Variants in GRM5 observed in about 807,000 individuals in gnomAD.
GRM5 encodes glutamate metabotropic receptor 5.
A neutral mutation model predicts 83.1 loss-of-function variants in GRM5; 19 were observed. The observed-to-expected ratio is 0.23, with a 90% CI of 0.16 to 0.34. The LOEUF is 0.34. Ranked by LOEUF, GRM5 falls within the 10% of genes least tolerant of loss-of-function variation. GRM5 has a pLI of 1.00. For synonymous variants in GRM5, 675 were observed against 633.6 expected (o/e 1.07, Z -0.98); for missense variants, 1,160 against 1,588.3 (o/e 0.73, Z 4.58).
At chr11:88,728,977 C>T (rs1591471943) in intron 3 of GRM5, among the ~76,000 whole-genome samples, 1 of 152,170 alleles carries the variant, frequency 6.6e-6, no homozygotes, top group African/African-American at 2.4e-5. Context: ...CAAGGATGCC[C>T]TCTCTCACCA....
intron 3 of GRM5, among the ~76,000 whole-genome samples, chr11:88,753,942 C>A (rs573408481): frequency 1.3e-5 from 2 of 152,164 alleles, no homozygotes; most frequent in Non-Finnish European, 2.9e-5. Context: ...GAGACTTATG[C>A]ACTATCACAA....
intron 7 of GRM5, among the ~76,000 whole-genome samples, chr11:88,583,063 TGAAAA>T (rs938456801): frequency 2.6e-5 from 4 of 151,414 alleles, no homozygotes; most frequent in African/African-American, 9.7e-5. Context: ...TAATTGGAAA[TGAAAA>T]GAAATCTTCC....
intron 3 of GRM5, among the ~76,000 whole-genome samples, chr11:88,814,448 A>C (rs926705525): frequency 6.6e-6 from 1 of 152,200 alleles, no homozygotes; most frequent in Non-Finnish European, 1.5e-5. Context: ...ATCGAACAGT[A>C]CTCAGGATAC....
intron 3 of GRM5, among the ~76,000 whole-genome samples, chr11:88,748,455 T>C (rs11021159): frequency 9.5e-4 from 145 of 152,164 alleles, no homozygotes; most frequent in Middle Eastern, 3.4e-3. Flanking sequence ...TGGGTCTGAG[T>C]TCCCAGGGGG....
intron 1 of GRM5, among the ~76,000 whole-genome samples, chr11:89,049,856 A>C (rs1199750837): frequency 6.6e-6 from 1 of 152,170 alleles, no homozygotes; most frequent in Non-Finnish European, 1.5e-5. Flanking sequence ...ATATTACCAA[A>C]CCTTTCTTTC....
At chr11:88,713,798 T>A (rs1941338275) in intron 3 of GRM5, among the ~76,000 whole-genome samples, 2 of 151,988 alleles carry the variant, frequency 1.3e-5, no homozygotes, top group Admixed American at 1.3e-4. Context: ...GGGGCCTAAA[T>A]GATTAAAATG....
At chr11:88,596,317 T>G (rs1383525959) in intron 6 of GRM5, among the ~76,000 whole-genome samples, 1 of 152,140 alleles carries the variant, frequency 6.6e-6, no homozygotes, top group Non-Finnish European at 1.5e-5. Context: ...CCTTCTAACT[T>G]GTCTCTTCTT....
intron 2 of GRM5, among the ~76,000 whole-genome samples, chr11:88,870,231 C>T (rs958508703): frequency 6.6e-6 from 1 of 151,398 alleles, no homozygotes; most frequent in African/African-American, 2.4e-5. Context: ...GGAGAAAGCA[C>T]TAAAATAAAG....
In GRM5 at chr11:88,567,892, A is replaced by T; in HGVS notation, c.1791T>A (p.Val597=). 6.2e-7 allele frequency: 1 copy of T among 1,613,924 alleles called. No individual in the cohort carries two copies. The highest frequency in any genetic ancestry group is 8.5e-7 in the Non-Finnish European group (1 of 1,179,802). Residue 597 remains valine, a synonymous_variant, in exon 8 of 10, where the codon GTT becomes GTA. Transcript: ENST00000305447. This position sits in a 1 kb window ranked among gnomAD's most constrained non-coding sequence, Gnocchi z 7.3. ...ACLGLLATLF[V]TVVFIIYRDT... is the part of the protein sequence containing the mutation. ...CACGGTAAATGATGAAGACTACAGT[A>T]ACAAACAGGGTGGCCAGGAGGCCAA...
chr11:89,010,295 C>T (rs1458287835), intron 2 of GRM5, among the ~76,000 whole-genome samples: 2 of 152,048 alleles, frequency 1.3e-5, no homozygotes, highest in African/African-American at 4.8e-5. Context: ...ATTCCAAAGT[C>T]TAAGATTTTA....
At chr11:88,543,383 T>C (rs1193492522) in intron 8 of GRM5, among the ~76,000 whole-genome samples, 1 of 152,184 alleles carries the variant, frequency 6.6e-6, no homozygotes, top group Non-Finnish European at 1.5e-5. Context: ...GGGTGCAAGC[T>C]GACTGCCTTG....
chr11:88,732,804 C>T (rs1454190753), intron 3 of GRM5, among the ~76,000 whole-genome samples: 1 of 151,986 alleles, frequency 6.6e-6, no homozygotes, highest in Non-Finnish European at 1.5e-5. Context: ...TGACTGTCCC[C>T]TGCCCACCCC....
intron 3 of GRM5, among the ~76,000 whole-genome samples, chr11:88,726,586 C>T (rs566678602): frequency 3.3e-5 from 5 of 152,198 alleles, no homozygotes; most frequent in African/African-American, 7.2e-5. Flanking sequence ...GACACATAAT[C>T]GTCAGTTTCA....
intron 3 of GRM5, among the ~76,000 whole-genome samples, chr11:88,744,276 G>A (rs1003591741): frequency 4.6e-5 from 7 of 152,070 alleles, no homozygotes; most frequent in Non-Finnish European, 7.4e-5. Flanking sequence ...AAATTATACC[G>A]AGGCCTAATA....
chr11:88,944,518 T>A (rs1463046784), intron 2 of GRM5, among the ~76,000 whole-genome samples: 1 of 151,938 alleles, frequency 6.6e-6, no homozygotes, highest in Non-Finnish European at 1.5e-5. Context: ...TATGGCAAAA[T>A]TACCTAAAAC....
intron 4 of GRM5, among the ~76,000 whole-genome samples, chr11:88,627,488 A>C (rs1412219823): frequency 1.3e-5 from 2 of 152,122 alleles, no homozygotes; most frequent in Non-Finnish European, 2.9e-5. Context: ...TGCACCAGGG[A>C]TTCTTCATTA....
chr11:88,851,571 C>T (rs1944390911), intron 2 of GRM5, among the ~76,000 whole-genome samples: 1 of 152,208 alleles, frequency 6.6e-6, no homozygotes. Flanking sequence ...GTTCTCTTCC[C>T]TTGGCTGATA....
At chr11:88,538,118 C>CA (rs1171211144) in intron 8 of GRM5, among the ~76,000 whole-genome samples, 2 of 147,880 alleles carry the variant, frequency 1.4e-5, no homozygotes, top group African/African-American at 5.0e-5. Context: ...AAAACCTCAA[C>CA]AAAAAAGAAC....
At chr11:88,797,511 T>A (rs1269213059) in intron 3 of GRM5, among the ~76,000 whole-genome samples, 1 of 152,216 alleles carries the variant, frequency 6.6e-6, no homozygotes, top group African/African-American at 2.4e-5. Context: ...TAAGCATATC[T>A]TAAATGACCT....
Sources: gnomAD v4.1 joint callset for allele counts (sites outside exome capture counted in the v4.1 genomes callset) on GRCh38, gnomAD v4.1.1 for gene constraint, Gnocchi (gnomAD v3.1) non-coding constraint, MANE v1.5 for transcripts, NCBI Gene and HGNC (gene_info 2026-07-23, HGNC 2026-07-21) for gene names.